Variants in DLGAP5 observed in about 807,000 individuals in gnomAD.
DLGAP5 encodes the protein DLG associated protein 5.
In DLGAP5, 90 loss-of-function variants were observed where a neutral mutation model predicts 99.6. That is an observed-to-expected ratio of 0.90 (90% CI 0.76 to 1.08). The LOEUF (loss-of-function observed/expected upper bound fraction) is 1.08, where lower values mean the gene tolerates loss of function less well. Among genes scored for constraint, DLGAP5 ranks in the 50% least tolerant of loss-of-function variants. The probability of loss-of-function intolerance (pLI) is 0.00; values close to 1 mark genes in which losing one functional copy is unlikely to be tolerated. For synonymous variants in DLGAP5, 311 were observed against 321.3 expected, an observed-to-expected ratio of 0.97 and a Z score of 0.34; for missense variants, 1,036 against 983.5, an observed-to-expected ratio of 1.05 and a Z score of -0.71.
At chr14:55,182,851 A>G (rs181925349) in intron 3 of DLGAP5, among the ~76,000 whole-genome samples, 98 of 152,250 alleles carry the variant, frequency 6.4e-4, no homozygotes, top group Non-Finnish European at 8.5e-4. Context: ...ACACTCATCC[A>G]TATTCCCAAT....
intron 8 of DLGAP5, among the ~76,000 whole-genome samples, chr14:55,176,292 T>C (rs1052612924): frequency 2.6e-5 from 4 of 152,208 alleles, no homozygotes; most frequent in Non-Finnish European, 4.4e-5. Context: ...GTTTTTAGTA[T>C]ATTTGCTGCC....
intron 10 of DLGAP5, among the ~76,000 whole-genome samples, chr14:55,174,086 G>A (rs1306298182): frequency 1.3e-5 from 2 of 152,200 alleles, no homozygotes. Flanking sequence ...AAGCAAATGG[G>A]AGAAATATCA....
chr14:55,164,534 C>T (rs565861521), intron 12 of DLGAP5, among the ~76,000 whole-genome samples: 4 of 151,910 alleles, frequency 2.6e-5, no homozygotes, highest in African/African-American at 4.8e-5. Flanking sequence ...GTACTAAAAC[C>T]GTAAGACTGT....
intron 18 of DLGAP5, among the ~76,000 whole-genome samples, chr14:55,149,815 C>T (rs998772671): frequency 7.6e-6 from 1 of 131,942 alleles, no homozygotes; most frequent in Non-Finnish European, 1.7e-5. Flanking sequence ...AGAATCGGGG[C>T]GGGGGGGGGG....
chr14:55,183,548 C>A lies in DLGAP5; in HGVS notation c.432+12G>T. ...AAGAAACTATTCCTTTATATTAAGA[C>A]ACTAAATTTACCTTTTTTGGCTCAG... On this transcript the variant is annotated intron_variant, in intron 3 of 18. Transcript: ENST00000247191. 1.3e-6 allele frequency: 2 copies of A among 1,534,836 alleles called. No homozygotes were observed. Among genetic ancestry groups the A allele is most frequent in the Middle Eastern group, 1.8e-4 (1 of 5,704 alleles).
Position 55,170,687 on chromosome 14 carries a change from C to G in DLGAP5, c.1387+15G>C, listed in dbSNP as rs947766712. ...AAAGAAACAAAGCAAACAAAAAATA[C>G]AAATGTTGCCTCACCATCATCTGGA... On this transcript the variant is annotated intron_variant, in intron 11 of 18. Transcript: ENST00000247191. 5.0e-6 allele frequency: 8 copies of G among 1,601,022 alleles called. No homozygotes were observed. The African/African-American group carries it at 1.1e-4, about 21-fold the overall frequency.
In DLGAP5 at chr14:55,177,149, T is replaced by C; in HGVS notation, c.962A>G (p.Lys321Arg). The C allele has an allele frequency of 1.2e-6, 2 of 1,610,130 alleles. No individual in the cohort carries two copies. The highest frequency in any genetic ancestry group is 2.2e-5 in the South Asian group (2 of 90,246). ...DFMFQPLDGL[K>R]TYQVTPMTPR... The stretch of plus-strand genomic sequence containing the variant: ...AGTCATAGGTGTTACTTGATAGGTC[T>C]TCAGACCATCCAGTGGCTGAAACAT... The change falls in exon 8 of 19, where the codon AAG becomes AGG. Residue 321 changes from lysine to arginine, a missense_variant. By Grantham distance (26) the Lys-to-Arg change is conservative. Transcript: ENST00000247191.
intron 7 of DLGAP5, among the ~76,000 whole-genome samples, chr14:55,177,695 G>A (rs980306043): frequency 2.0e-5 from 3 of 151,384 alleles, no homozygotes; most frequent in African/African-American, 4.9e-5. Context: ...CCGCCACCAC[G>A]CCCGGCTAAT....
At chr14:55,166,252 C>G (rs1174073595) in intron 12 of DLGAP5, among the ~76,000 whole-genome samples, 3 of 152,134 alleles carry the variant, frequency 2.0e-5, no homozygotes, top group African/African-American at 7.2e-5. Flanking sequence ...GGATAAAACT[C>G]AGAAAGATGC....
At chr14:55,152,221 G>A (rs923852857) in intron 16 of DLGAP5, among the ~76,000 whole-genome samples, 1 of 152,166 alleles carries the variant, frequency 6.6e-6, no homozygotes, top group Non-Finnish European at 1.5e-5. Context: ...AATATTTTAG[G>A]TTTGTGAGTC....
intron 10 of DLGAP5, among the ~76,000 whole-genome samples, chr14:55,172,577 G>A (rs1267869582): frequency 6.6e-6 from 1 of 151,946 alleles, no homozygotes; most frequent in African/African-American, 2.4e-5. Context: ...TGAGCCAAGA[G>A]CGAGACACTG....
intron 11 of DLGAP5, 58 bp from the exon 12 acceptor site, chr14:55,169,617 G>A: frequency 2.1e-6 from 3 of 1,399,976 alleles, no homozygotes; most frequent in Non-Finnish European, 2.8e-6. Flanking sequence ...TTCATTGCAA[G>A]TCAGCCCACT....
At chr14:55,151,588 T>G in intron 17 of DLGAP5, 107 bp downstream of exon 17, 1 of 1,217,902 alleles carries the variant, frequency 8.2e-7, no homozygotes, top group East Asian at 2.5e-5. Flanking sequence ...TGAAGGATCC[T>G]CAATAGTTAG....
chr14:55,184,138 G>A (rs544590773), intron 2 of DLGAP5, among the ~76,000 whole-genome samples: 3 of 151,212 alleles, frequency 2.0e-5, no homozygotes, highest in East Asian at 3.9e-4. Flanking sequence ...AAGCAACAGA[G>A]CAAGACTCCG....
intron 12 of DLGAP5, among the ~76,000 whole-genome samples, chr14:55,169,002 C>G (rs1882745977): frequency 6.6e-6 from 1 of 151,762 alleles, no homozygotes; most frequent in African/African-American, 2.4e-5. Flanking sequence ...CGGTGAAACT[C>G]CGTCTCTACT....
chr14:55,182,335 T>C (rs112179381), intron 4 of DLGAP5, 35 bp downstream of exon 4: 4 of 1,555,832 alleles, frequency 2.6e-6, no homozygotes, highest in East Asian at 4.5e-5. Context: ...GTGCAATTTA[T>C]CATTTTAGTA....
chr14:55,150,921 A>G (rs1881994647), intron 17 of DLGAP5, 73 bp from the exon 18 acceptor site: 3 of 946,916 alleles, frequency 3.2e-6, no homozygotes, highest in Non-Finnish European at 4.7e-6. Context: ...GGACAAAGCC[A>G]TGAAAAATAT....
chr14:55,178,894 A>G (rs1295080624), intron 7 of DLGAP5, among the ~76,000 whole-genome samples: 4 of 152,098 alleles, frequency 2.6e-5, no homozygotes, highest in Non-Finnish European at 4.4e-5. Context: ...TAAAAATACA[A>G]AAATCAGATG....
chr14:55,189,194 G>T lies in DLGAP5; in HGVS notation c.-1-14C>A. 6.3e-7 allele frequency: 1 copy of T among 1,592,028 alleles called. No homozygotes were observed. Among genetic ancestry groups the T allele is most frequent in the South Asian group, 1.1e-5 (1 of 88,960 alleles). The stretch of plus-strand genomic sequence containing the variant: ...GATGAAGACATCCTGTCAAGGAAAA[G>T]GACAAAACCCAACTTACATGAATTT... On this transcript the variant is annotated splice_polypyrimidine_tract_variant and intron_variant, in intron 1 of 18. Coordinates refer to ENST00000247191, the MANE Select transcript of DLGAP5 (RefSeq NM_014750.5).
Sources: allele counts gnomAD v4.1 joint callset (sites outside exome capture counted in the v4.1 genomes callset), GRCh38; gene constraint gnomAD v4.1.1; transcripts MANE v1.5; gene names NCBI Gene and HGNC (gene_info 2026-07-23, HGNC 2026-07-21).